Variants in COBL observed in about 807,000 individuals in gnomAD.
COBL encodes the protein protein cordon-bleu.
COBL carries 51 observed loss-of-function variants against 98.8 expected under a neutral mutation model. That is an observed-to-expected ratio of 0.52 (90% confidence interval 0.41 to 0.65). The LOEUF is 0.65. Ranked by LOEUF, COBL falls within the 30% of genes least tolerant of loss-of-function variation. The pLI, the probability that COBL is intolerant of heterozygous loss-of-function variation, is 0.00. For synonymous variants in COBL, 634 were observed against 651.7 expected, an observed-to-expected ratio of 0.97 and a Z score of 0.41; for missense variants, 1,617 against 1,617.5, an observed-to-expected ratio of 1.00 and a Z score of 0.01.
At chr7:51,059,005 T>C (rs1791054766) in intron 7 of COBL, among the ~76,000 whole-genome samples, 1 of 152,224 alleles carries the variant, frequency 6.6e-6, no homozygotes, top group Admixed American at 6.5e-5. Context: ...TTAGGGTCAC[T>C]GGGGTGTCCG....
intron 7 of COBL, among the ~76,000 whole-genome samples, chr7:51,046,699 C>T (rs1053614607): frequency 1.3e-5 from 2 of 152,068 alleles, no homozygotes; most frequent in Admixed American, 1.3e-4. Context: ...TGGGCTGCAT[C>T]GAGGTTGGGG....
intron 1 of COBL, among the ~76,000 whole-genome samples, chr7:51,277,382 A>C (rs951947350): frequency 1.3e-5 from 2 of 152,324 alleles, no homozygotes; most frequent in South Asian, 2.1e-4. Flanking sequence ...GAGAGAATAG[A>C]GCAAACACAC....
chr7:51,218,356 G>A (rs1036724080), intron 2 of COBL, among the ~76,000 whole-genome samples: 4 of 152,166 alleles, frequency 2.6e-5, no homozygotes, highest in African/African-American at 9.7e-5. Flanking sequence ...AAAATAAAAT[G>A]CTTACATCAC....
In COBL at chr7:51,026,567, G is replaced by A. The variant is rs143768301; in HGVS notation, c.3483C>T (p.Ser1161=). ...TTACCTTCCTCAGGCTGCAGGTGCCGCTGTGCCCGCGGATAGCTGCCAGCA... is the reference window on the plus strand; with the variant it reads ...TTACCTTCCTCAGGCTGCAGGTGCCACTGTGCCCGCGGATAGCTGCCAGCA... ...SALLAAIRGH[S]GTCSLRKVAS... Residue 1161 remains serine, a synonymous_variant, in exon 11 of 13, where the codon AGC becomes AGT. Coordinates refer to ENST00000265136, the MANE Select transcript of COBL (RefSeq NM_015198.5). 7.3e-5 allele frequency: 118 copies of A among 1,614,032 alleles called. No homozygotes were observed. In the African/African-American group the frequency reaches 7.7e-4, roughly 11 times the overall value.
At chr7:51,217,429 T>C (rs1239611766) in intron 2 of COBL, among the ~76,000 whole-genome samples, 1 of 148,754 alleles carries the variant, frequency 6.7e-6, no homozygotes, top group African/African-American at 2.5e-5. Context: ...ACAGTCTCCA[T>C]CTCCCGGGTT....
chr7:51,097,272 A>C (rs943924596), intron 6 of COBL, among the ~76,000 whole-genome samples: 3 of 152,196 alleles, frequency 2.0e-5, no homozygotes, highest in Non-Finnish European at 4.4e-5. Context: ...AAAAACACTC[A>C]ACAACTAGGA....
intron 1 of COBL, among the ~76,000 whole-genome samples, chr7:51,255,800 G>A (rs749049782): frequency 3.3e-5 from 5 of 152,156 alleles, no homozygotes; most frequent in East Asian, 1.9e-4. Context: ...GTGGTGTGCC[G>A]ATGCAGGAGC....
chr7:51,226,575 T>TGAGTGAGTGAGG (rs1415793381), intron 1 of COBL, among the ~76,000 whole-genome samples: 1 of 151,654 alleles, frequency 6.6e-6, no homozygotes, highest in Non-Finnish European at 1.5e-5. Flanking sequence ...AGTGAGTAAG[T>TGAGTGAGTGAGG]GAGTGAGTGA....
chr7:51,115,682 G>C (rs921477859), intron 6 of COBL, among the ~76,000 whole-genome samples: 3 of 152,054 alleles, frequency 2.0e-5, no homozygotes, highest in African/African-American at 7.2e-5. Context: ...AGAAAACAAT[G>C]TGTACTCTGT....
intron 6 of COBL, among the ~76,000 whole-genome samples, chr7:51,088,775 T>C (rs922787560): frequency 3.3e-5 from 5 of 152,206 alleles, no homozygotes; most frequent in Non-Finnish European, 7.3e-5. Context: ...CAGATATTCA[T>C]ACCTGCAGGA....
At chr7:51,307,792 A>C (rs1584463633) in intron 1 of COBL, among the ~76,000 whole-genome samples, 1 of 152,250 alleles carries the variant, frequency 6.6e-6, no homozygotes, top group East Asian at 1.9e-4. Context: ...ATTTCTGAGA[A>C]GTGGTAAAGT....
intron 1 of COBL, among the ~76,000 whole-genome samples, chr7:51,305,897 G>A (rs781046973): frequency 6.6e-6 from 1 of 152,140 alleles, no homozygotes; most frequent in African/African-American, 2.4e-5. Flanking sequence ...TTGGCCAGCC[G>A]TGGTGACACG....
chr7:51,127,050 A>G (rs962534432), intron 6 of COBL, among the ~76,000 whole-genome samples: 3 of 152,122 alleles, frequency 2.0e-5, no homozygotes, highest in African/African-American at 7.2e-5. Context: ...CAAGCTGGGG[A>G]GTCAGCCAAG....
intron 5 of COBL, among the ~76,000 whole-genome samples, chr7:51,178,156 G>GTCTCTCTCTCTCCC (rs1563000654): frequency 1.3e-5 from 2 of 151,326 alleles, no homozygotes; most frequent in Non-Finnish European, 2.9e-5. Flanking sequence ...CTCACTCTCT[G>GTCTCTCTCTCTCCC]TCTCTCTCTC....
Position 51,185,391 on chromosome 7 carries a change from G to A in COBL, c.686-1192C>T, listed in dbSNP as rs148528680. 1.7e-3 allele frequency among the ~76,000 whole-genome samples: 257 copies of A among 152,270 alleles called. 1 individual carries two copies. Among genetic ancestry groups the A allele is most frequent in the African/African-American group, 5.9e-3 (247 of 41,562 alleles). The stretch of plus-strand genomic sequence containing the variant: ...GGAGTGGTGCTGAGAGATTAAGAGC[G>A]CCCATGTGTGAGGCACACTTCGGAA... On this transcript the variant is annotated intron_variant, in intron 4 of 12. Coordinates refer to ENST00000265136, the MANE Select transcript of COBL (RefSeq NM_015198.5).
intron 2 of COBL, among the ~76,000 whole-genome samples, chr7:51,211,939 T>C (rs1433340096): frequency 6.6e-6 from 1 of 152,104 alleles, no homozygotes; most frequent in Admixed American, 6.5e-5. Flanking sequence ...TCAGGTTCAA[T>C]GGAAGGATAA....
At chr7:51,303,164 T>C (rs1044885156) in intron 1 of COBL, among the ~76,000 whole-genome samples, 2 of 152,246 alleles carry the variant, frequency 1.3e-5, no homozygotes, top group Non-Finnish European at 2.9e-5. Flanking sequence ...TTTATGCTTT[T>C]ACATTCGGAT....
At chr7:51,211,488 T>C (rs879461544) in intron 2 of COBL, among the ~76,000 whole-genome samples, 3 of 152,226 alleles carry the variant, frequency 2.0e-5, no homozygotes, top group Admixed American at 6.5e-5. Context: ...AGGCATGTGG[T>C]AGGCACAAGG....
chr7:51,139,570 G>T (rs911383722), intron 5 of COBL, among the ~76,000 whole-genome samples: 6 of 152,094 alleles, frequency 3.9e-5, no homozygotes, highest in South Asian at 2.1e-4. Context: ...TCGATTGCAG[G>T]GTCCAGTGGT....
Sources: gnomAD v4.1 joint callset for allele counts (sites outside exome capture counted in the v4.1 genomes callset) on GRCh38, gnomAD v4.1.1 for gene constraint, MANE v1.5 for transcripts, NCBI Gene and HGNC (gene_info 2026-07-23, HGNC 2026-07-21) for gene names.